The following RSBN1 variants were observed in gnomAD, a reference collection of about 807,000 sequenced individuals.
RSBN1 encodes the protein lysine-specific demethylase 9.
In RSBN1, 23 loss-of-function variants were observed where a neutral mutation model predicts 74.8. That is an observed-to-expected ratio of 0.31 (90% CI 0.22 to 0.44). RSBN1 has a LOEUF of 0.44. Ranked by LOEUF, RSBN1 falls within the 20% of genes least tolerant of loss-of-function variation. RSBN1 has a pLI of 1.00. For missense variants in RSBN1, 808 were observed against 1,020.9 expected, an observed-to-expected ratio of 0.79 and a Z score of 2.84; for synonymous variants, 407 against 379.6, an observed-to-expected ratio of 1.07 and a Z score of -0.84.
intron 2 of RSBN1, chr1:113,796,198 A>T (rs1035840476): frequency 6.6e-6 from 1 of 152,210 alleles, no homozygotes; most frequent in Non-Finnish European, 1.5e-5. Flanking sequence ...GGTTGTGGTA[A>T]TAAGGCCAAA....
chr1:113,765,787 C>T lies in RSBN1; in HGVS notation c.*193G>A, dbSNP rs1571291579. The T allele has an allele frequency of 5.2e-6, 3 of 580,554 alleles. No individual in the cohort carries two copies. The highest frequency in any genetic ancestry group is 9.2e-6 in the Non-Finnish European group (3 of 327,104). 36.0% of individuals were successfully genotyped at this position (580,554 alleles called of 1,614,324 possible). A position where few individuals can be genotyped will look rare whatever the true frequency, so the allele number is the denominator to read the frequency against. Reference sequence around the variant, plus strand: ...GACCCACTATTACATACTGTACTAACGGGATAAGATACAACTCTTAACTTT... The same window carrying T: ...GACCCACTATTACATACTGTACTAATGGGATAAGATACAACTCTTAACTTT... On this transcript the variant is annotated 3_prime_UTR_variant, in exon 7 of 7. Transcript: ENST00000261441.
At chr1:113,810,839 T>A (rs1359017251) in intron 1 of RSBN1, among the ~76,000 whole-genome samples, 1 of 152,320 alleles carries the variant, frequency 6.6e-6, no homozygotes, top group East Asian at 1.9e-4. Flanking sequence ...AAGCATCACA[T>A]TTCTTCCACA....
intron 2 of RSBN1, chr1:113,796,333 C>G (rs2101817643): frequency 6.6e-6 from 1 of 152,208 alleles, no homozygotes; most frequent in East Asian, 1.9e-4. Flanking sequence ...TAGAGAAATT[C>G]TGAAGCTCAT....
intron 1 of RSBN1, among the ~76,000 whole-genome samples, chr1:113,802,909 G>C (rs1372992017): frequency 6.6e-6 from 1 of 152,116 alleles, no homozygotes; most frequent in Non-Finnish European, 1.5e-5. Flanking sequence ...TACATTCTGA[G>C]GGTTTGGATA....
Position 113,812,125 on chromosome 1 carries a change from A to C in RSBN1, c.288T>G (p.Ser96=). 1 of 1,606,150 alleles carries C rather than the reference A, an allele frequency of 6.2e-7. No individual in the cohort carries two copies. The highest frequency in any genetic ancestry group is 8.5e-7 in the Non-Finnish European group (1 of 1,177,598). The change falls in exon 1 of 7, where the codon TCT becomes TCG. Residue 96 remains serine (S), a synonymous_variant. Transcript: ENST00000261441. ...KRQRRSSSGG[S]QEKRGRPSQE... ...GGCTCGGCCGCCCCCGCTTCTCCTG[A>C]GACCCCCCACTGCTAGATCGGCGCT...
chr1:113,792,605 G>C (rs1349046656), intron 2 of RSBN1, among the ~76,000 whole-genome samples: 1 of 152,194 alleles, frequency 6.6e-6, no homozygotes, highest in Non-Finnish European at 1.5e-5. Context: ...TCTAGAGGCT[G>C]AGGCACTGGA....
intron 1 of RSBN1, 56 bp downstream of exon 1, chr1:113,811,654 G>A: frequency 6.6e-7 from 1 of 1,518,332 alleles, no homozygotes; most frequent in Admixed American, 2.1e-5. Context: ...AAAGATGCGG[G>A]ATATCGGAAC....
chr1:113,777,630 A>T, intron 3 of RSBN1, 41 bp downstream of exon 3: 1 of 1,570,756 alleles, frequency 6.4e-7, no homozygotes, highest in Non-Finnish European at 8.7e-7. Context: ...GTGCCCACTT[A>T]AGTAAAGATC....
In RSBN1 at chr1:113,764,089, C is replaced by CT. The variant is rs1408063562; in HGVS notation, c.*1890dup. 1 of 152,444 alleles carries CT rather than the reference C, an allele frequency of 6.6e-6. No individual in the cohort carries two copies. The highest frequency in any genetic ancestry group is 1.5e-5 in the Non-Finnish European group (1 of 68,014). 9.4% of individuals were successfully genotyped at this position (152,444 alleles called of 1,614,324 possible). A position where few individuals can be genotyped will look rare whatever the true frequency, so the allele number is the denominator to read the frequency against. Reference sequence around the variant, plus strand: ...ACAAGAAATAACCCAAACCCACACACTTTGTGATTAAACCCCTCCCCAACA... The same window carrying CT: ...ACAAGAAATAACCCAAACCCACACACTTTTGTGATTAAACCCCTCCCCAACA... On this transcript the variant is annotated 3_prime_UTR_variant, in exon 7 of 7. Coordinates refer to ENST00000261441, the MANE Select transcript of RSBN1 (RefSeq NM_018364.5).
chr1:113,809,523 G>A (rs1660786697), intron 1 of RSBN1, among the ~76,000 whole-genome samples: 1 of 152,082 alleles, frequency 6.6e-6, no homozygotes, highest in Non-Finnish European at 1.5e-5. Flanking sequence ...TTTTCTGTAG[G>A]GTTTTCAAAA....
rs1207453611 is a variant in RSBN1, at chr1:113,782,388, C to T, written c.1378-4580G>A. On this transcript the variant is annotated intron_variant, in intron 2 of 6. Coordinates refer to ENST00000261441, the MANE Select transcript of RSBN1 (RefSeq NM_018364.5). ...CATATAATTTTTTAAGTGACTAAGA[C>T]TTGAGAGAAAGAATAGAAAGAGACA... Among the ~76,000 whole-genome samples, 3 of 151,964 alleles carry T rather than the reference C, an allele frequency of 2.0e-5. No homozygotes were observed. In the South Asian group the frequency reaches 6.2e-4, roughly 32 times the overall value.
chr1:113,777,396 G>T, intron 3 of RSBN1, 44 bp from the exon 4 acceptor site: 3 of 1,564,822 alleles, frequency 1.9e-6, no homozygotes, highest in Non-Finnish European at 2.6e-6. Flanking sequence ...TTGTTTCAAT[G>T]ATTTATAAGT....
intron 1 of RSBN1, among the ~76,000 whole-genome samples, chr1:113,805,974 C>G (rs1000816322): frequency 2.6e-5 from 4 of 152,154 alleles, no homozygotes; most frequent in Non-Finnish European, 5.9e-5. Context: ...TCCAATAAAG[C>G]TTTATTTCTG....
intron 2 of RSBN1, among the ~76,000 whole-genome samples, chr1:113,780,069 T>G (rs762530120): frequency 6.6e-6 from 1 of 151,976 alleles, no homozygotes; most frequent in South Asian, 2.1e-4. Flanking sequence ...CTCCCAACTA[T>G]TCCCAGTCTC....
At chr1:113,811,477 C>T (rs966108745) in intron 1 of RSBN1, among the ~76,000 whole-genome samples, 5 of 152,184 alleles carry the variant, frequency 3.3e-5, no homozygotes, top group African/African-American at 1.2e-4. Flanking sequence ...TGAGAGGCTC[C>T]GGGGGACCGG....
intron 6 of RSBN1, among the ~76,000 whole-genome samples, chr1:113,766,844 G>A (rs1282203945): frequency 6.6e-6 from 1 of 152,160 alleles, no homozygotes; most frequent in Non-Finnish European, 1.5e-5. Context: ...GACAGCTCAT[G>A]GCCATAACTG....
At chr1:113,768,170 C>G in intron 5 of RSBN1, 52 bp downstream of exon 5, 1 of 1,459,302 alleles carries the variant, frequency 6.9e-7, no homozygotes, top group Non-Finnish European at 9.2e-7. Context: ...ATAGAGTCCA[C>G]ATTGTCTTAT....
Position 113,812,294 on chromosome 1 carries a change from G to A in RSBN1, c.119C>T (p.Pro40Leu), listed in dbSNP as rs769884931. The A allele has an allele frequency of 1.9e-6, 3 of 1,604,484 alleles. No homozygotes were observed. The highest frequency in any genetic ancestry group is 2.5e-6 in the Non-Finnish European group (3 of 1,179,804). ...TTCACCCACAAACACACATTTAAAT[G>A]GCCCGACCGCCCCCCCGTCCGCGCA... ...ARCADGGAVG[P>L]FKCVFVGEMA... The change falls in exon 1 of 7, where the codon CCA becomes CTA. Residue 40 changes from proline (P) to leucine (L), a missense_variant. Physicochemically the swap from Pro to Leu is moderately conservative, Grantham distance 98 (BLOSUM62 -3). Coordinates refer to ENST00000261441, the MANE Select transcript of RSBN1 (RefSeq NM_018364.5).
intron 2 of RSBN1, among the ~76,000 whole-genome samples, chr1:113,783,277 A>G (rs1189780258): frequency 6.6e-6 from 1 of 151,900 alleles, no homozygotes; most frequent in South Asian, 2.1e-4. Context: ...TGGCAAAAAG[A>G]AAAAAAAGGG....
Sources: allele counts gnomAD v4.1 joint callset (sites outside exome capture counted in the v4.1 genomes callset), GRCh38; gene constraint gnomAD v4.1.1; transcripts MANE v1.5; gene names NCBI Gene and HGNC (gene_info 2026-07-23, HGNC 2026-07-21).